CSMD1: variants seen among roughly 807,000 people sequenced by gnomAD.
CSMD1 encodes the protein CUB and Sushi multiple domains 1.
Under a neutral mutation model 417.5 loss-of-function variants are expected in CSMD1, and 213 were observed. That is an observed-to-expected ratio of 0.51 (90% CI 0.46 to 0.57). The LOEUF (loss-of-function observed/expected upper bound fraction) is 0.57, where lower values mean the gene tolerates loss of function less well. CSMD1 is among the 20% of genes least tolerant of loss of function. The probability of loss-of-function intolerance (pLI) is 0.00; values close to 1 mark genes in which losing one functional copy is unlikely to be tolerated. For missense variants in CSMD1, 6,923 were observed against 4,529.7 expected (o/e 1.53, Z -15.17); for synonymous variants, 2,862 against 1,736.8 (o/e 1.65, Z -16.11).
At chr8:3,771,358 C>T (rs577889780) in intron 5 of CSMD1, among the ~76,000 whole-genome samples, 7 of 152,246 alleles carry the variant, frequency 4.6e-5, no homozygotes, top group South Asian at 2.1e-4. Context: ...GAAATTCAGA[C>T]GGCATTGCTT....
chr8:3,886,740 C>T (rs1806589563), intron 5 of CSMD1, among the ~76,000 whole-genome samples: 2 of 152,154 alleles, frequency 1.3e-5, no homozygotes, highest in Non-Finnish European at 2.9e-5. Flanking sequence ...TGGCTGTCAT[C>T]AGCCCTATTC....
chr8:4,682,257 T>C (rs771183513), intron 1 of CSMD1, among the ~76,000 whole-genome samples: 1 of 151,918 alleles, frequency 6.6e-6, no homozygotes, highest in Non-Finnish European at 1.5e-5. Context: ...CTCAAACTCC[T>C]GGGGCTAAAG....
At chr8:4,966,687 C>A (rs1359910867) in intron 1 of CSMD1, among the ~76,000 whole-genome samples, 1 of 152,140 alleles carries the variant, frequency 6.6e-6, no homozygotes, top group East Asian at 1.9e-4. Context: ...TAAGTTCACT[C>A]AAATTATCCT....
At chr8:3,488,695 A>G (rs975964529) in intron 11 of CSMD1, among the ~76,000 whole-genome samples, 1 of 152,180 alleles carries the variant, frequency 6.6e-6, no homozygotes, top group Admixed American at 6.5e-5. Context: ...ATCAAGCAAG[A>G]ACGCTTCCAG....
At chr8:3,801,576 G>C (rs1340298270) in intron 5 of CSMD1, among the ~76,000 whole-genome samples, 1 of 152,074 alleles carries the variant, frequency 6.6e-6, no homozygotes, top group East Asian at 1.9e-4. Flanking sequence ...TCCTCAAATG[G>C]TTAAAATTAC....
chr8:3,584,008 A>C (rs895208825), intron 9 of CSMD1, among the ~76,000 whole-genome samples: 14 of 151,998 alleles, frequency 9.2e-5, no homozygotes, highest in African/African-American at 2.4e-4. Flanking sequence ...CACTAGTAAA[A>C]CCCATCCACT....
In CSMD1 at chr8:3,091,601, A is replaced by G; in HGVS notation, c.7200T>C (p.Asn2400=). ...ATAACTGATTACTCCTGCTTGTAAA[A>G]TTTGATTGTTCAGTATGATTCCCAC... ...VLSGNHTEQS[N]FTSRSNQLYL... The change falls in exon 48 of 70, where the codon AAT becomes AAC. Residue 2400 remains asparagine (N), a synonymous_variant. Coordinates refer to ENST00000635120, the MANE Select transcript of CSMD1 (RefSeq NM_033225.6). The G allele has an allele frequency of 6.2e-7, 1 of 1,611,720 alleles. No individual in the cohort carries two copies. The highest frequency in any genetic ancestry group is 2.2e-5 in the East Asian group (1 of 44,714).
intron 3 of CSMD1, among the ~76,000 whole-genome samples, chr8:4,121,775 AAT>A (rs754726547): frequency 6.6e-6 from 1 of 152,086 alleles, no homozygotes; most frequent in Non-Finnish European, 1.5e-5. Context: ...TTACAAAGGT[AAT>A]ATTACAGTAC....
At chr8:3,603,814 C>T (rs904936086) in intron 8 of CSMD1, among the ~76,000 whole-genome samples, 4 of 152,202 alleles carry the variant, frequency 2.6e-5, no homozygotes, top group African/African-American at 9.6e-5. Flanking sequence ...GAAGGAATAA[C>T]AATCATAATC....
chr8:3,499,102 T>A (rs1308177878), intron 10 of CSMD1, among the ~76,000 whole-genome samples: 1 of 152,238 alleles, frequency 6.6e-6, no homozygotes, highest in Non-Finnish European at 1.5e-5. Context: ...TCTATACATC[T>A]GACAAAACAA....
chr8:3,672,184 T>A (rs1364173772), intron 7 of CSMD1, among the ~76,000 whole-genome samples: 1 of 152,192 alleles, frequency 6.6e-6, no homozygotes, highest in African/African-American at 2.4e-5. Flanking sequence ...AGGGATCTTA[T>A]AAGTTTGATG....
intron 41 of CSMD1, among the ~76,000 whole-genome samples, chr8:3,124,393 C>A (rs1230256553): frequency 1.3e-5 from 2 of 151,988 alleles, no homozygotes; most frequent in African/African-American, 4.8e-5. Context: ...AAATATAAAA[C>A]CTGGTTAAGG....
chr8:4,878,204 A>G (rs1474053095), intron 1 of CSMD1, among the ~76,000 whole-genome samples: 3 of 152,082 alleles, frequency 2.0e-5, no homozygotes, highest in African/African-American at 4.8e-5. Context: ...ATCACTCACA[A>G]GAAAAGATAA....
intron 4 of CSMD1, among the ~76,000 whole-genome samples, chr8:4,006,688 G>C (rs1346255054): frequency 6.6e-6 from 1 of 152,196 alleles, no homozygotes; most frequent in Non-Finnish European, 1.5e-5. Flanking sequence ...TGCACATGCA[G>C]ATGGCAATGT....
intron 11 of CSMD1, among the ~76,000 whole-genome samples, chr8:3,491,803 C>G (rs1293352108): frequency 1.3e-5 from 2 of 152,208 alleles, no homozygotes; most frequent in African/African-American, 4.8e-5. Flanking sequence ...GGGCAAGATT[C>G]CTCACAAATG....
At chr8:3,827,021 A>T (rs1483220207) in intron 5 of CSMD1, among the ~76,000 whole-genome samples, 1 of 152,076 alleles carries the variant, frequency 6.6e-6, no homozygotes, top group Non-Finnish European at 1.5e-5. Context: ...ATATGAAGTG[A>T]TCCTCCCATC....
chr8:3,980,039 T>G (rs1386936433), intron 5 of CSMD1, among the ~76,000 whole-genome samples: 3 of 152,222 alleles, frequency 2.0e-5, no homozygotes, highest in African/African-American at 4.8e-5. Flanking sequence ...AATGGTTCAA[T>G]TATTTTAAAT....
chr8:4,012,210 G>A (rs534672803), intron 4 of CSMD1, among the ~76,000 whole-genome samples: 21 of 151,990 alleles, frequency 1.4e-4, no homozygotes, highest in African/African-American at 2.7e-4. Context: ...ATTCTATGCC[G>A]TTTTACTCAC....
chr8:4,389,727 A>G (rs1220886636), intron 3 of CSMD1, among the ~76,000 whole-genome samples: 2 of 152,150 alleles, frequency 1.3e-5, no homozygotes, highest in Non-Finnish European at 2.9e-5. Context: ...ATATTTTAAA[A>G]TTGGCATGAG....
Sources: gnomAD v4.1 joint callset for allele counts (sites outside exome capture counted in the v4.1 genomes callset) on GRCh38, gnomAD v4.1.1 for gene constraint, MANE v1.5 for transcripts, NCBI Gene and HGNC (gene_info 2026-07-23, HGNC 2026-07-21) for gene names.